LRCH1: variants seen among roughly 807,000 people sequenced by gnomAD.
The protein encoded by LRCH1 is leucine rich repeats and calponin homology domain containing 1.
In LRCH1, 23 loss-of-function variants were observed where a neutral mutation model predicts 94.9. That is an observed-to-expected ratio of 0.24 (90% CI 0.17 to 0.34). The LOEUF is 0.34. Ranked by LOEUF, LRCH1 falls within the 10% of genes least tolerant of loss-of-function variation. The pLI, the probability that LRCH1 is intolerant of heterozygous loss-of-function variation, is 1.00. For missense variants in LRCH1, 790 were observed against 945.9 expected, an observed-to-expected ratio of 0.84 and a Z score of 2.16; for synonymous variants, 364 against 354.9, an observed-to-expected ratio of 1.03 and a Z score of -0.29.
chr13:46,693,041 G>A (rs1870989449), intron 8 of LRCH1, among the ~76,000 whole-genome samples: 1 of 145,562 alleles, frequency 6.9e-6, no homozygotes, highest in Admixed American at 7.1e-5. Flanking sequence ...GCGTGATCTT[G>A]GCTCACCGCA....
intron 1 of LRCH1, among the ~76,000 whole-genome samples, chr13:46,572,244 A>G (rs997714260): frequency 6.6e-6 from 1 of 152,128 alleles, no homozygotes; most frequent in Non-Finnish European, 1.5e-5. Flanking sequence ...CTTTATGGGG[A>G]GGACTTTGGT....
intron 1 of LRCH1, among the ~76,000 whole-genome samples, chr13:46,641,893 G>A (rs2051161881): frequency 1.3e-5 from 2 of 152,208 alleles, no homozygotes; most frequent in South Asian, 4.1e-4. Flanking sequence ...TGTCTTGGCA[G>A]TGGTGACTCT....
chr13:46,581,267 C>G (rs926256425), intron 1 of LRCH1, among the ~76,000 whole-genome samples: 1 of 152,164 alleles, frequency 6.6e-6, no homozygotes. Context: ...TCACCTCAGC[C>G]CCCTAGACCT....
In LRCH1 at chr13:46,621,265, A is replaced by G. The variant is rs76738545; in HGVS notation, c.308-28936A>G. Reference sequence around the variant, plus strand: ...CAGTGGATTTTCTGCATCTGTTCATACATCCATCTTTCCCACTTAGCTGTG... The same window carrying G: ...CAGTGGATTTTCTGCATCTGTTCATGCATCCATCTTTCCCACTTAGCTGTG... On this transcript the variant is annotated intron_variant, in intron 1 of 19. Coordinates refer to ENST00000389797, the MANE Select transcript of LRCH1 (RefSeq NM_001164211.2). Among the ~76,000 whole-genome samples the G allele has an allele frequency of 5.0e-3, 767 of 152,314 alleles. 4 individuals are homozygous for G. Among genetic ancestry groups the G allele is most frequent in the African/African-American group, 0.018 (731 of 41,578 alleles).
In LRCH1 at chr13:46,574,484, C is replaced by T. The variant is rs377161241; in HGVS notation, c.307+20781C>T. Among the ~76,000 whole-genome samples the T allele has an allele frequency of 7.2e-4, 109 of 152,240 alleles. 2 individuals carry two copies. The highest frequency in any genetic ancestry group is 1.0e-3 in the South Asian group (5 of 4,820). ...GCTAAGTGTCAATGCAAGGGAAGAA[C>T]GGGGACACCATGCTGTATGGCATCA... is the stretch of plus-strand genomic sequence containing the variant. On this transcript the variant is annotated intron_variant, in intron 1 of 19. Coordinates refer to ENST00000389797, the MANE Select transcript of LRCH1 (RefSeq NM_001164211.2).
chr13:46,609,188 G>T (rs539434042), intron 1 of LRCH1, among the ~76,000 whole-genome samples: 1 of 152,276 alleles, frequency 6.6e-6, no homozygotes, highest in South Asian at 2.1e-4. Context: ...TGCTGTGCTC[G>T]GCCTCTTTGT....
chr13:46,589,305 AGGC>A (rs1215024432), intron 1 of LRCH1, among the ~76,000 whole-genome samples: 5 of 152,160 alleles, frequency 3.3e-5, no homozygotes, highest in Admixed American at 1.3e-4. Context: ...TTCAGATTAT[AGGC>A]ATGAGCCACT....
At chr13:46,698,496 GTTGTA>G in intron 9 of LRCH1, among the ~76,000 whole-genome samples, 1 of 152,054 alleles carries the variant, frequency 6.6e-6, no homozygotes, top group Admixed American at 6.6e-5. Flanking sequence ...GATTCTGGAT[GTTGTA>G]CACGTGAAAA....
At chr13:46,724,853 G>A (rs1214291394) in intron 17 of LRCH1, among the ~76,000 whole-genome samples, 2 of 151,970 alleles carry the variant, frequency 1.3e-5, no homozygotes, top group African/African-American at 2.4e-5. Flanking sequence ...CCCATTACTG[G>A]GTATATACCC....
At chr13:46,692,498 A>C in intron 7 of LRCH1, 38 bp from the exon 8 acceptor site, 1 of 1,384,230 alleles carries the variant, frequency 7.2e-7, no homozygotes, top group Middle Eastern at 1.8e-4. Flanking sequence ...CATTGATAAC[A>C]CTTCTCTTGA....
chr13:46,691,729 T>C (rs1431804064), intron 7 of LRCH1, among the ~76,000 whole-genome samples: 1 of 152,148 alleles, frequency 6.6e-6, no homozygotes, highest in Non-Finnish European at 1.5e-5. Context: ...CTTGTTCTCT[T>C]GCCAGGCTGG....
At chr13:46,573,328 G>T (rs1301565602) in intron 1 of LRCH1, among the ~76,000 whole-genome samples, 1 of 152,168 alleles carries the variant, frequency 6.6e-6, no homozygotes, top group Non-Finnish European at 1.5e-5. Flanking sequence ...GCTGGACTCT[G>T]TGCTGGGTGC....
In LRCH1 at chr13:46,741,895, T is replaced by G; in HGVS notation, c.*47T>G. 1 of 1,610,118 alleles carries G rather than the reference T, an allele frequency of 6.2e-7. No individual in the cohort carries two copies. The highest frequency in any genetic ancestry group is 8.5e-7 in the Non-Finnish European group (1 of 1,177,984). On this transcript the variant is annotated 3_prime_UTR_variant, in exon 20 of 20. Transcript: ENST00000389797. The stretch of plus-strand genomic sequence containing the variant: ...GCTGTGCTCTGTCGCCCTCAACCTT[T>G]GCAGGGTCCTTCCTACCTTTGAGCC...
At chr13:46,677,403 C>G (rs114060674) in intron 3 of LRCH1, among the ~76,000 whole-genome samples, 1,537 of 152,252 alleles carry the variant, frequency 0.01, 21 homozygotes, top group African/African-American at 0.033. Context: ...GCACTCCAAT[C>G]TGGGCGACAG....
chr13:46,651,804 C>T (rs2051304269), intron 2 of LRCH1, among the ~76,000 whole-genome samples: 2 of 151,194 alleles, frequency 1.3e-5, no homozygotes, highest in African/African-American at 2.4e-5. Flanking sequence ...GGGTTCACAC[C>T]ATTCTCCTGC....
chr13:46,723,327 T>G lies in LRCH1; in HGVS notation c.1866T>G (p.Arg622=). Residue 622 remains arginine, a synonymous_variant, in exon 17 of 20, where the codon CGT becomes CGG. Coordinates refer to ENST00000389797, the MANE Select transcript of LRCH1 (RefSeq NM_001164211.2). Reference sequence around the variant, plus strand: ...AGAAAGAGCTGGTGGAACAACTTCGTGAGGTACCCAAGAAATATTATGTAA... The same window carrying G: ...AGAAAGAGCTGGTGGAACAACTTCGGGAGGTACCCAAGAAATATTATGTAA... ...REEKELVEQL[R]ESIEMRLKVS... is the part of the protein sequence containing the mutation. The G allele has an allele frequency of 6.3e-7, 1 of 1,590,314 alleles. No individual in the cohort carries two copies. The highest frequency in any genetic ancestry group is 8.6e-7 in the Non-Finnish European group (1 of 1,159,880).
intron 13 of LRCH1, among the ~76,000 whole-genome samples, chr13:46,709,014 G>A (rs1169250461): frequency 6.6e-6 from 1 of 152,194 alleles, no homozygotes; most frequent in Non-Finnish European, 1.5e-5. Context: ...GCTTTGGTAA[G>A]CAAATTTCAG....
chr13:46,658,248 A>G (rs959682030), intron 2 of LRCH1, among the ~76,000 whole-genome samples: 1 of 152,126 alleles, frequency 6.6e-6, no homozygotes, highest in Non-Finnish European at 1.5e-5. Context: ...TTTATGGAAG[A>G]TGGTGTGTTT....
chr13:46,751,819 G>A (rs1462740773), exon 19 of LRCH1: 2 of 152,204 alleles, frequency 1.3e-5, no homozygotes, highest in African/African-American at 4.8e-5. Context: ...ATTACTTAAG[G>A]CACATAGGAC....
Sources: gnomAD v4.1 joint callset for allele counts (sites outside exome capture counted in the v4.1 genomes callset) on GRCh38, gnomAD v4.1.1 for gene constraint, MANE v1.5 for transcripts, NCBI Gene and HGNC (gene_info 2026-07-23, HGNC 2026-07-21) for gene names.